Variants in OSBPL1A observed in about 807,000 individuals in gnomAD.
OSBPL1A encodes oxysterol binding protein like 1A, also known as oxysterol-binding protein-related protein 1.
Under a neutral mutation model 137.1 loss-of-function variants are expected in OSBPL1A, and 80 were observed. The observed-to-expected ratio is 0.58, with a 90% confidence interval of 0.49 to 0.70. The LOEUF (loss-of-function observed/expected upper bound fraction) is 0.70, where lower values mean the gene tolerates loss of function less well. Among genes scored for constraint, OSBPL1A ranks in the 30% least tolerant of loss-of-function variants. The probability of loss-of-function intolerance (pLI) is 0.00; values close to 1 mark genes in which losing one functional copy is unlikely to be tolerated. For synonymous variants in OSBPL1A, 365 were observed against 389.7 expected (o/e 0.94, Z 0.75); for missense variants, 970 against 1,129.4 (o/e 0.86, Z 2.02).
At chr18:24,221,408 C>T (rs1290480251) in intron 17 of OSBPL1A, among the ~76,000 whole-genome samples, 2 of 152,298 alleles carry the variant, frequency 1.3e-5, no homozygotes, top group East Asian at 3.9e-4. Context: ...ATAAACCTCT[C>T]AGGTTCTTAG....
At chr18:24,355,005 A>T (rs532393123) in intron 4 of OSBPL1A, among the ~76,000 whole-genome samples, 78 of 152,032 alleles carry the variant, frequency 5.1e-4, no homozygotes, top group African/African-American at 1.9e-3. Flanking sequence ...CTTTCCCCAC[A>T]CCACCCCTTG....
chr18:24,230,041 C>G (rs1200236948), intron 16 of OSBPL1A, among the ~76,000 whole-genome samples: 2 of 152,236 alleles, frequency 1.3e-5, no homozygotes, highest in African/African-American at 2.4e-5. Context: ...TGGGCCACCA[C>G]GCCCCACCAA....
chr18:24,186,479 C>T (rs969147436), intron 18 of OSBPL1A, among the ~76,000 whole-genome samples: 2 of 152,006 alleles, frequency 1.3e-5, no homozygotes, highest in African/African-American at 4.8e-5. Flanking sequence ...AAGATAGTAA[C>T]ATCAAAAAGT....
intron 7 of OSBPL1A, among the ~76,000 whole-genome samples, chr18:24,321,413 C>T (rs1347650194): frequency 6.6e-6 from 1 of 152,206 alleles, no homozygotes; most frequent in African/African-American, 2.4e-5. Context: ...CCTCTCACCT[C>T]AGCCTCCCTG....
chr18:24,244,315 A>G (rs556515236), intron 15 of OSBPL1A, among the ~76,000 whole-genome samples: 4 of 152,362 alleles, frequency 2.6e-5, no homozygotes, highest in Admixed American at 2.6e-4. Context: ...TATTACTAAA[A>G]GAATAAATAA....
At position 24,334,253 on chromosome 18, in the gene OSBPL1A, T is replaced by C; in HGVS notation, c.472A>G (p.Thr158Ala). Residue 158 changes from threonine to alanine, a missense_variant, in exon 6 of 28, where the codon ACA (threonine) becomes GCA (alanine). By Grantham distance (58) the Thr-to-Ala change is moderately conservative. Around this residue, in one of 2 missense-constraint regions of OSBPL1A, gnomAD observed 647 missense variants for 672.6 expected, o/e 0.96. Transcript: ENST00000319481. ...AAREGKTTEL[T>A]ALLNRPNPPD... ...TTTTTTGTTTGTTTTACCAGAGCTG[T>C]GAGTTCTGTTGTTTTGCCTTCTCTT... The C allele has an allele frequency of 6.2e-7, 1 of 1,610,570 alleles. No homozygotes were observed. Among genetic ancestry groups the C allele is most frequent in the Non-Finnish European group, 8.5e-7 (1 of 1,179,092 alleles).
intron 2 of OSBPL1A, among the ~76,000 whole-genome samples, chr18:24,376,796 G>A (rs995139446): frequency 1.3e-5 from 2 of 152,254 alleles, no homozygotes; most frequent in Non-Finnish European, 2.9e-5. Context: ...GGGGGACCCA[G>A]TACACCCTCC....
chr18:24,349,331 T>A (rs2091399278), intron 4 of OSBPL1A, among the ~76,000 whole-genome samples: 1 of 151,892 alleles, frequency 6.6e-6, no homozygotes, highest in South Asian at 2.1e-4. Flanking sequence ...TTGAAAGACA[T>A]GAAAATGTGG....
At chr18:24,366,833 A>G in intron 4 of OSBPL1A, 59 bp downstream of exon 4, 4 of 1,516,880 alleles carry the variant, frequency 2.6e-6, no homozygotes, top group Non-Finnish European at 3.6e-6. Flanking sequence ...AGAGAAAACA[A>G]TGGTAACTAC....
At chr18:24,351,347 C>CAAAAAAAAAAAAAA (rs1172514692) in intron 4 of OSBPL1A, among the ~76,000 whole-genome samples, 373 of 35,748 alleles carry the variant, frequency 0.01, 21 homozygotes, top group Middle Eastern at 0.043. Context: ...GACTCTGTCT[C>CAAAAAAAAAAAAAA]AAAAAAAAAA....
At chr18:24,265,451 G>A (rs1207324922) in intron 15 of OSBPL1A, among the ~76,000 whole-genome samples, 1 of 152,192 alleles carries the variant, frequency 6.6e-6, no homozygotes. Flanking sequence ...CTGCACTCCA[G>A]CCTGGGCGAC....
At chr18:24,310,202 T>C (rs1226343384) in intron 13 of OSBPL1A, among the ~76,000 whole-genome samples, 1 of 152,048 alleles carries the variant, frequency 6.6e-6, no homozygotes, top group Non-Finnish European at 1.5e-5. Context: ...AAAAGCTTCA[T>C]GGTTTTAAAG....
intron 14 of OSBPL1A, among the ~76,000 whole-genome samples, chr18:24,293,125 A>AAAAAAAG (rs200624581): frequency 8.5e-5 from 7 of 82,118 alleles, no homozygotes; most frequent in Non-Finnish European, 1.7e-4. Context: ...AAAAAAAAAA[A>AAAAAAAG]AAAGAAAAGA....
At chr18:24,197,068 C>T (rs1206561917) in intron 17 of OSBPL1A, among the ~76,000 whole-genome samples, 1 of 152,182 alleles carries the variant, frequency 6.6e-6, no homozygotes, top group African/African-American at 2.4e-5. Context: ...CAGTTGCTGG[C>T]CGGGTGTGGT....
intron 18 of OSBPL1A, among the ~76,000 whole-genome samples, chr18:24,188,137 C>T (rs1199298431): frequency 1.3e-5 from 2 of 152,168 alleles, no homozygotes; most frequent in African/African-American, 4.8e-5. Flanking sequence ...ATAGATGGAC[C>T]AGGGATGACA....
chr18:24,257,634 A>T (rs574495088), intron 15 of OSBPL1A, among the ~76,000 whole-genome samples: 1 of 152,300 alleles, frequency 6.6e-6, no homozygotes, highest in East Asian at 1.9e-4. Flanking sequence ...AAATGGAAAC[A>T]CATCAAGTTA....
chr18:24,325,084 T>C (rs2090948778), intron 7 of OSBPL1A, among the ~76,000 whole-genome samples: 1 of 145,306 alleles, frequency 6.9e-6, no homozygotes, highest in Non-Finnish European at 1.5e-5. Context: ...AGACTCAGTA[T>C]CGAAACAAAA....
chr18:24,344,715 G>A (rs1204930736), intron 4 of OSBPL1A, among the ~76,000 whole-genome samples: 1 of 152,110 alleles, frequency 6.6e-6, no homozygotes, highest in African/African-American at 2.4e-5. Flanking sequence ...TGAAAGTGCC[G>A]ACGTCCAGTG....
chr18:24,313,025 G>A (rs1274638934), intron 12 of OSBPL1A, among the ~76,000 whole-genome samples: 1 of 152,042 alleles, frequency 6.6e-6, no homozygotes, highest in Non-Finnish European at 1.5e-5. Flanking sequence ...TCGGGAGGCT[G>A]AGGCAGGAGA....
Sources: gnomAD v4.1 joint callset for allele counts (sites outside exome capture counted in the v4.1 genomes callset) on GRCh38, gnomAD v4.1.1 for gene constraint, gnomAD v4.1.1 regional missense constraint, MANE v1.5 for transcripts, NCBI Gene and HGNC (gene_info 2026-07-23, HGNC 2026-07-21) for gene names.